The following RPTOR variants were observed in gnomAD, a reference collection of about 807,000 sequenced individuals.
RPTOR encodes regulatory-associated protein of mTOR.
RPTOR carries 21 observed loss-of-function variants against 169.9 expected under a neutral mutation model. That is an observed-to-expected ratio of 0.12 (90% CI 0.09 to 0.18). The LOEUF (loss-of-function observed/expected upper bound fraction) is 0.18, where lower values mean the gene tolerates loss of function less well. RPTOR is among the 10% of genes least tolerant of loss of function. The probability of loss-of-function intolerance (pLI) is 1.00; values close to 1 mark genes in which losing one functional copy is unlikely to be tolerated. For synonymous variants in RPTOR, 732 were observed against 753.2 expected, an observed-to-expected ratio of 0.97 and a Z score of 0.46; for missense variants, 1,133 against 1,855.9, an observed-to-expected ratio of 0.61 and a Z score of 7.16.
intron 21 of RPTOR, chr17:80,909,742 G>A (rs184069801): frequency 6.6e-6 from 1 of 152,182 alleles, no homozygotes; most frequent in East Asian, 1.9e-4. Flanking sequence ...CTTATTCATG[G>A]CCATTCTAGC....
intron 1 of RPTOR, among the ~76,000 whole-genome samples, chr17:80,587,054 C>T (rs191069021): frequency 6.6e-6 from 1 of 152,350 alleles, no homozygotes; most frequent in African/African-American, 2.4e-5. Context: ...CAGAAGGACG[C>T]GCAGCCAAGT....
rs545529679 is a variant in RPTOR at position 80,923,295 on chromosome 17, G to A, written c.2625-195G>A. ...GGGACAACCCTGCCCCCTGCCAGGC[G>A]GGCAACCGAGCAGCATGGACTCGGC... On this transcript the variant is annotated intron_variant, in intron 22 of 33. Coordinates refer to ENST00000306801, the MANE Select transcript of RPTOR (RefSeq NM_020761.3). Among the ~76,000 whole-genome samples, 4 of 152,314 alleles carry A rather than the reference G, an allele frequency of 2.6e-5. No individual in the cohort carries two copies. In the South Asian group the frequency reaches 6.2e-4, roughly 24 times the overall value.
chr17:80,760,544 C>T (rs144432860), intron 6 of RPTOR, among the ~76,000 whole-genome samples: 4,295 of 152,150 alleles, frequency 0.028, 218 homozygotes, highest in African/African-American at 0.098. Flanking sequence ...TCAGGTGATC[C>T]GCCCGCCTCA....
chr17:80,606,526 A>C (rs148552513), intron 1 of RPTOR, among the ~76,000 whole-genome samples: 2 of 152,084 alleles, frequency 1.3e-5, no homozygotes, highest in Non-Finnish European at 2.9e-5. Context: ...GTTGTGTAGC[A>C]ATTTTTAAAG....
chr17:80,638,144 C>T (rs993527011), intron 2 of RPTOR, among the ~76,000 whole-genome samples: 4 of 152,316 alleles, frequency 2.6e-5, no homozygotes, highest in Non-Finnish European at 2.9e-5. Flanking sequence ...CCTGGAAGGC[C>T]AGAGAATGCT....
intron 5 of RPTOR, among the ~76,000 whole-genome samples, chr17:80,745,988 C>G (rs910600124): frequency 1.1e-4 from 17 of 152,148 alleles, no homozygotes; most frequent in African/African-American, 3.9e-4. Context: ...ATTGGTGAAA[C>G]CCAGTCTCTA....
Position 80,681,527 on chromosome 17 carries a change from G to A in RPTOR, c.349-26314G>A, listed in dbSNP as rs926903430. On this transcript the variant is annotated intron_variant, in intron 3 of 33. Transcript: ENST00000306801. ...TAGGGAAGGCCGGTGGTGCGGTATC[G>A]AGGACCAATTCTGTGTGTGTGGTTC... Among the ~76,000 whole-genome samples, 6 of 151,946 alleles carry A rather than the reference G, an allele frequency of 3.9e-5. No individual in the cohort carries two copies. The East Asian group carries it at 1.2e-3, about 30-fold the overall frequency.
chr17:80,938,535 G>A (rs911917942), intron 24 of RPTOR, among the ~76,000 whole-genome samples: 1 of 152,162 alleles, frequency 6.6e-6, no homozygotes, highest in African/African-American at 2.4e-5. Context: ...ATAAGCTCAG[G>A]ATTGTCGTCA....
intron 11 of RPTOR, among the ~76,000 whole-genome samples, chr17:80,849,612 T>C (rs189947467): frequency 1.8e-3 from 272 of 152,256 alleles, no homozygotes; most frequent in Non-Finnish European, 2.8e-3. Flanking sequence ...CTCTGCCTCC[T>C]GGGTTCAAGC....
intron 7 of RPTOR, among the ~76,000 whole-genome samples, chr17:80,810,573 T>A (rs2067263373): frequency 6.6e-6 from 1 of 152,160 alleles, no homozygotes; most frequent in Non-Finnish European, 1.5e-5. Context: ...GTTTTTGTTT[T>A]GTTTTGTTTT....
intron 24 of RPTOR, among the ~76,000 whole-genome samples, chr17:80,930,346 A>T (rs866643918): frequency 0.023 from 703 of 31,100 alleles, no homozygotes; most frequent in Non-Finnish European, 0.025. Flanking sequence ...GCTCATCCTC[A>T]GCTCATCCCC....
chr17:80,862,550 C>T (rs999865113), intron 13 of RPTOR, among the ~76,000 whole-genome samples: 3 of 150,900 alleles, frequency 2.0e-5, no homozygotes, highest in African/African-American at 7.4e-5. Flanking sequence ...GAAGCTCCGC[C>T]CACCATGATG....
chr17:80,742,527 C>T (rs2066491792), intron 5 of RPTOR, among the ~76,000 whole-genome samples: 6 of 151,970 alleles, frequency 3.9e-5, no homozygotes, highest in Admixed American at 3.9e-4. Flanking sequence ...AACACATGCA[C>T]ACATGTACAC....
intron 6 of RPTOR, among the ~76,000 whole-genome samples, chr17:80,759,096 T>C (rs1203888967): frequency 6.6e-6 from 1 of 151,870 alleles, no homozygotes; most frequent in Non-Finnish European, 1.5e-5. Context: ...CAGTGCGTCC[T>C]GTAGTCCCAG....
At chr17:80,773,828 G>T (rs1348579779) in intron 6 of RPTOR, 1 of 985,412 alleles carries the variant, frequency 1.0e-6, no homozygotes. Flanking sequence ...AGGAACGCTT[G>T]GTGCCTGGGT....
At chr17:80,817,946 T>C (rs1174057706) in intron 7 of RPTOR, among the ~76,000 whole-genome samples, 1 of 152,158 alleles carries the variant, frequency 6.6e-6, no homozygotes, top group Non-Finnish European at 1.5e-5. Flanking sequence ...ATGACCTGGA[T>C]GTTGCAGTAA....
intron 9 of RPTOR, among the ~76,000 whole-genome samples, chr17:80,825,186 T>C (rs1290220354): frequency 1.4e-5 from 2 of 143,086 alleles, no homozygotes; most frequent in African/African-American, 5.3e-5. Flanking sequence ...CCTCTCCATC[T>C]AGAGGCCGCG....
At chr17:80,900,092 G>A (rs2068456249) in intron 20 of RPTOR, among the ~76,000 whole-genome samples, 1 of 152,118 alleles carries the variant, frequency 6.6e-6, no homozygotes, top group Admixed American at 6.5e-5. Context: ...CTGCAGAAGT[G>A]GGCGTCCTCC....
intron 20 of RPTOR, 87 bp downstream of exon 20, chr17:80,893,952 G>GT: frequency 1.6e-6 from 2 of 1,286,480 alleles, no homozygotes; most frequent in African/African-American, 3.1e-5. Context: ...TCTGCATCAG[G>GT]TCAGTGGGTG....
Sources: gnomAD v4.1 joint callset for allele counts (sites outside exome capture counted in the v4.1 genomes callset) on GRCh38, gnomAD v4.1.1 for gene constraint, MANE v1.5 for transcripts, NCBI Gene and HGNC (gene_info 2026-07-23, HGNC 2026-07-21) for gene names.